DNAH2: variants seen among roughly 807,000 people sequenced by gnomAD.
DNAH2 encodes axonemal beta dynein heavy chain 2.
Under a neutral mutation model 523.5 loss-of-function variants are expected in DNAH2, and 323 were observed. The observed-to-expected ratio is 0.62, with a 90% CI of 0.56 to 0.68. The LOEUF is 0.68. DNAH2 is among the 30% of genes least tolerant of loss of function. DNAH2 has a pLI of 0.00. For synonymous variants in DNAH2, 2,093 were observed against 2,177.4 expected, an observed-to-expected ratio of 0.96 and a Z score of 1.08; for missense variants, 4,907 against 5,701.5, an observed-to-expected ratio of 0.86 and a Z score of 4.49.
In DNAH2 at chr17:7,743,055, T is replaced by C. The variant is rs201479657; in HGVS notation, c.1817T>C (p.Leu606Pro). 9.9e-5 allele frequency: 151 copies of C among 1,531,880 alleles called. No homozygotes were observed. Among genetic ancestry groups the C allele is most frequent in the Middle Eastern group, 1.8e-4 (1 of 5,676 alleles). The allele number at this position is 1,531,880 out of a possible 1,614,324, so 94.9% of individuals were successfully genotyped here. Residue 606 changes from leucine to proline, a missense_variant, in exon 12 of 86, where the codon CTG (leucine) becomes CCG (proline). Physicochemically the swap from Leu to Pro is moderately conservative, Grantham distance 98 (BLOSUM62 -3). Coordinates refer to ENST00000572933, the MANE Select transcript of DNAH2 (RefSeq NM_020877.5). ...ACCTTCCAAGAGTGGACATCAAGTC[T>C]GGACAAGGATTGCATTCGGCGGTTG... ...RKTFQEWTSS[L>P]DKDCIRRLDT...
chr17:7,827,621 T>C (rs955705324), intron 77 of DNAH2, among the ~76,000 whole-genome samples: 1 of 152,020 alleles, frequency 6.6e-6, no homozygotes, highest in Non-Finnish European at 1.5e-5. Flanking sequence ...AATTTTGTTA[T>C]TTTTTGTAGA....
Position 7,737,203 on chromosome 17 carries a change from G to A in DNAH2, c.1115G>A (p.Trp372Ter). ...PKLISLIRII[W>*]VNSPHYNTRE... ...CTGATCAGTCTCATCCGCATCATCT[G>A]GGTCAACTCTCCCCACTACAACACT... Residue 372 changes from tryptophan to a stop codon, truncating the protein, a stop_gained, in exon 8 of 86, where the codon TGG (tryptophan) becomes TAG (stop). Coordinates refer to ENST00000572933, the MANE Select transcript of DNAH2 (RefSeq NM_020877.5). LOFTEE classifies it high-confidence loss of function. The A allele has an allele frequency of 1.2e-6, 2 of 1,613,970 alleles. No individual in the cohort carries two copies. The highest frequency in any genetic ancestry group is 1.7e-6 in the Non-Finnish European group (2 of 1,179,990).
At chr17:7,802,829 A>AT (rs34264918) in intron 58 of DNAH2, among the ~76,000 whole-genome samples, 71,192 of 140,668 alleles carry the variant, frequency 0.51, 18,727 homozygotes, top group East Asian at 0.64. Flanking sequence ...ATGCCCAGCT[A>AT]TTTTTTTTTT....
At chr17:7,778,623 C>T (rs987360136) in intron 35 of DNAH2, among the ~76,000 whole-genome samples, 154 bp downstream of exon 35, 2 of 149,744 alleles carry the variant, frequency 1.3e-5, no homozygotes, top group East Asian at 3.8e-4. Context: ...TTTTGGAGTG[C>T]AGTGGCATGA....
At chr17:7,809,303 T>C (rs2077447673) in intron 63 of DNAH2, among the ~76,000 whole-genome samples, 1 of 152,292 alleles carries the variant, frequency 6.6e-6, no homozygotes, top group South Asian at 2.1e-4. Flanking sequence ...CTGTGTTTCC[T>C]GACTTCACGC....
intron 72 of DNAH2, among the ~76,000 whole-genome samples, chr17:7,820,797 T>C (rs959176234): frequency 6.6e-6 from 1 of 152,164 alleles, no homozygotes; most frequent in African/African-American, 2.4e-5. Context: ...CCCAGCACTT[T>C]GGAAAGCTGA....
intron 58 of DNAH2, among the ~76,000 whole-genome samples, chr17:7,803,245 C>A (rs2077272432): frequency 6.6e-6 from 1 of 152,200 alleles, no homozygotes; most frequent in African/African-American, 2.4e-5. Context: ...ACCTGTGTTT[C>A]TGCCTGGCCG....
intron 12 of DNAH2, among the ~76,000 whole-genome samples, chr17:7,745,533 T>A (rs1484225954): frequency 6.6e-6 from 1 of 151,646 alleles, no homozygotes; most frequent in Non-Finnish European, 1.5e-5. Context: ...AAATGCCATA[T>A]GTGGCTGGCG....
chr17:7,803,100 C>T (rs1051390989), intron 58 of DNAH2, among the ~76,000 whole-genome samples: 5 of 152,174 alleles, frequency 3.3e-5, no homozygotes, highest in African/African-American at 1.2e-4. Flanking sequence ...CTCCAGGGGA[C>T]ACTGGCTGGG....
intron 18 of DNAH2, among the ~76,000 whole-genome samples, chr17:7,762,421 C>T (rs776285822): frequency 1.3e-4 from 20 of 151,472 alleles, no homozygotes; most frequent in East Asian, 3.9e-4. Context: ...CCGCAAGCTC[C>T]GCCTCCCGGA....
rs770983782 is a variant in DNAH2 at position 7,807,101 on chromosome 17, G to C, written c.9443-49G>C. 1.3e-6 allele frequency: 2 copies of C among 1,576,904 alleles called. No individual in the cohort carries two copies. The highest frequency in any genetic ancestry group is 3.5e-5 in the Admixed American group (2 of 57,632). On this transcript the variant is annotated intron_variant, in intron 61 of 85. Transcript: ENST00000572933. The surrounding 1 kb of genome is among the most constrained non-coding windows in gnomAD (Gnocchi z 5.6). The stretch of plus-strand genomic sequence containing the variant: ...AGTGGAGGTGAAACTGCTGGACAAG[G>C]AGGATGGCATTAAGCCTCTGGCTAA...
chr17:7,771,183 T>A (rs545409943), intron 27 of DNAH2, 147 bp from the exon 28 acceptor site: 1 of 1,283,606 alleles, frequency 7.8e-7, no homozygotes, highest in Admixed American at 2.2e-5. Flanking sequence ...TACCTCCAGC[T>A]TTCCTTGTAG....
chr17:7,817,871 G>A lies in DNAH2; in HGVS notation c.10236+15G>A, dbSNP rs573793426. ...AAGGAGGCCAGGTGTGAGGCTGGGG[G>A]GTCAGGTTAGCCCCCCCCTTCCTGA... is the stretch of plus-strand genomic sequence containing the variant. On this transcript the variant is annotated intron_variant, in intron 67 of 85. Transcript: ENST00000572933. 3 of 1,610,906 alleles carry A rather than the reference G, an allele frequency of 1.9e-6. No individual in the cohort carries two copies. Among genetic ancestry groups the A allele is most frequent in the South Asian group, 2.2e-5 (2 of 90,666 alleles).
At chr17:7,747,838 G>C (rs909504557) in intron 12 of DNAH2, among the ~76,000 whole-genome samples, 4 of 152,166 alleles carry the variant, frequency 2.6e-5, no homozygotes, top group African/African-American at 9.7e-5. Flanking sequence ...GGAAGGGAAA[G>C]AACACGATCA....
chr17:7,817,777 A>G lies in DNAH2; in HGVS notation c.10170-13A>G, dbSNP rs1448059075. Reference sequence around the variant, plus strand: ...AGAGAGGGCCTCACCTCTGACCTGTACTCCCCTTCCAGGTGGGCACTGATG... The same window carrying G: ...AGAGAGGGCCTCACCTCTGACCTGTGCTCCCCTTCCAGGTGGGCACTGATG... On this transcript the variant is annotated splice_polypyrimidine_tract_variant and intron_variant, in intron 66 of 85. Transcript: ENST00000572933. 2.5e-6 allele frequency: 4 copies of G among 1,613,586 alleles called. No individual in the cohort carries two copies. Among genetic ancestry groups the G allele is most frequent in the Non-Finnish European group, 3.4e-6 (4 of 1,179,894 alleles).
chr17:7,742,104 A>G (rs997145933), intron 11 of DNAH2, among the ~76,000 whole-genome samples: 1 of 152,166 alleles, frequency 6.6e-6, no homozygotes, highest in Non-Finnish European at 1.5e-5. Flanking sequence ...CTGGAAAGAC[A>G]GCACAAAGAA....
rs200207300 is a variant in DNAH2, at chr17:7,740,751, T to G, written c.1507-59T>G. 1.0e-3 allele frequency: 1,624 copies of G among 1,567,114 alleles called. 1 individual carries two copies. The highest frequency in any genetic ancestry group is 1.3e-3 in the Non-Finnish European group (1,521 of 1,150,782). Reference sequence around the variant, plus strand: ...GGGTGCAGCTTTCCTCTGGGATGAGTGACCGGAGGGAACCCGCCTTCCCGG... The same window carrying G: ...GGGTGCAGCTTTCCTCTGGGATGAGGGACCGGAGGGAACCCGCCTTCCCGG... On this transcript the variant is annotated intron_variant, in intron 10 of 85. Coordinates refer to ENST00000572933, the MANE Select transcript of DNAH2 (RefSeq NM_020877.5).
At chr17:7,793,278 G>C in intron 48 of DNAH2, 73 bp downstream of exon 48, 1 of 1,507,028 alleles carries the variant, frequency 6.6e-7, no homozygotes, top group Non-Finnish European at 9.0e-7. Flanking sequence ...CTCCACTGGG[G>C]CCCCAGGCTA....
intron 28 of DNAH2, among the ~76,000 whole-genome samples, chr17:7,771,980 T>C (rs1453008862): frequency 6.6e-6 from 1 of 152,182 alleles, no homozygotes; most frequent in African/African-American, 2.4e-5. Flanking sequence ...CCTCCCAAAG[T>C]TCTGGGATTA....
Sources: gnomAD v4.1 joint callset for allele counts (sites outside exome capture counted in the v4.1 genomes callset) on GRCh38, gnomAD v4.1.1 for gene constraint, Gnocchi (gnomAD v3.1) non-coding constraint, MANE v1.5 for transcripts, NCBI Gene and HGNC (gene_info 2026-07-23, HGNC 2026-07-21) for gene names.